CHD6: variants seen among roughly 807,000 people sequenced by gnomAD.
CHD6 encodes the protein ATP-dependent chromatin remodeler CHD6.
Under a neutral mutation model 276.9 loss-of-function variants are expected in CHD6, and 50 were observed. The ratio of observed to expected loss-of-function variants is 0.18; its 90% CI spans 0.14 to 0.23. The LOEUF is 0.23. Ranked by LOEUF, CHD6 falls within the 10% of genes least tolerant of loss-of-function variation. The pLI is 1.00. For missense variants in CHD6, 2,564 were observed against 3,365.8 expected, an observed-to-expected ratio of 0.76 and a Z score of 5.89; for synonymous variants, 1,173 against 1,229.3, an observed-to-expected ratio of 0.95 and a Z score of 0.96.
chr20:41,583,148 G>A (rs368569860), intron 1 of CHD6, among the ~76,000 whole-genome samples: 7 of 152,210 alleles, frequency 4.6e-5, no homozygotes, highest in African/African-American at 1.7e-4. Flanking sequence ...AAGAAGCCCA[G>A]AGAACCCTAC....
intron 16 of CHD6, among the ~76,000 whole-genome samples, chr20:41,474,292 A>T (rs1407996206): frequency 1.3e-5 from 2 of 152,178 alleles, no homozygotes; most frequent in African/African-American, 4.8e-5. Flanking sequence ...GGTAAGGGTA[A>T]AAGGAAAAAG....
intron 1 of CHD6, among the ~76,000 whole-genome samples, chr20:41,584,658 A>C (rs2045574541): frequency 6.6e-6 from 1 of 152,210 alleles, no homozygotes; most frequent in African/African-American, 2.4e-5. Flanking sequence ...AATTAACAGA[A>C]AGATATCAGG....
intron 16 of CHD6, among the ~76,000 whole-genome samples, chr20:41,480,711 T>C (rs2043275222): frequency 6.6e-6 from 1 of 152,112 alleles, no homozygotes; most frequent in South Asian, 2.1e-4. Flanking sequence ...CAGCTATAAA[T>C]ACCAAAAGAA....
intron 2 of CHD6, chr20:41,547,821 G>A: frequency 2.1e-6 from 1 of 481,714 alleles, no homozygotes; most frequent in East Asian, 5.3e-5. Flanking sequence ...AGAGCTCCTG[G>A]GGACTGACTA....
intron 27 of CHD6, among the ~76,000 whole-genome samples, chr20:41,437,050 T>C (rs923270080): frequency 6.6e-6 from 1 of 152,236 alleles, no homozygotes; most frequent in Non-Finnish European, 1.5e-5. Flanking sequence ...TATTATATTT[T>C]GTGACTGCTT....
intron 2 of CHD6, among the ~76,000 whole-genome samples, chr20:41,548,742 T>C (rs1484507650): frequency 6.6e-6 from 1 of 151,760 alleles, no homozygotes. Flanking sequence ...CGCAACCTAC[T>C]CATCTGACAA....
chr20:41,555,658 G>A (rs1335042452), intron 1 of CHD6, among the ~76,000 whole-genome samples: 31 of 151,586 alleles, frequency 2.0e-4, no homozygotes, highest in Admixed American at 7.2e-4. Context: ...CAGACGGGGC[G>A]GCGGGGCAGA....
chr20:41,608,919 G>A (rs1208624883), intron 1 of CHD6, among the ~76,000 whole-genome samples: 1 of 152,202 alleles, frequency 6.6e-6, no homozygotes, highest in African/African-American at 2.4e-5. Context: ...AAATGCTGCA[G>A]ACACAAAGTG....
chr20:41,427,467 GATGCAGAAAACAAGCCCTAGAA>G (rs1275869433), intron 27 of CHD6, among the ~76,000 whole-genome samples: 1 of 152,156 alleles, frequency 6.6e-6, no homozygotes, highest in Non-Finnish European at 1.5e-5. Context: ...TCATTTTACA[GATGCAGAAAACAAGCCCTAGAA>G]ATGTTCAGTA....
At position 41,618,361 on chromosome 20, in the gene CHD6, C is replaced by G. The variant is rs1368468583; in HGVS notation, c.-45G>C. 1 of 152,102 alleles carries G rather than the reference C, an allele frequency of 6.6e-6. No individual in the cohort carries two copies. The highest frequency in any genetic ancestry group is 1.5e-5 in the Non-Finnish European group (1 of 68,056). 9.4% of individuals were successfully genotyped at this position (152,102 alleles called of 1,614,324 possible). On this transcript the variant is annotated 5_prime_UTR_variant, in exon 1 of 37. Coordinates refer to ENST00000373233, the MANE Select transcript of CHD6 (RefSeq NM_032221.5). ...TTACCTAAAATGGCTCCTGCAGCAG[C>G]CAAAATACAAACAGCTATTATTTGG...
At chr20:41,539,856 A>C (rs1168856312) in intron 2 of CHD6, among the ~76,000 whole-genome samples, 10 of 152,240 alleles carry the variant, frequency 6.6e-5, no homozygotes, top group Non-Finnish European at 1.5e-4. Flanking sequence ...ATCTGGAATA[A>C]TACTACGCAA....
chr20:41,509,954 AATCCTGAGGTTGTG>A (rs2044075697), intron 5 of CHD6, among the ~76,000 whole-genome samples: 1 of 152,168 alleles, frequency 6.6e-6, no homozygotes, highest in African/African-American at 2.4e-5. Flanking sequence ...CTTGGTAACC[AATCCTGAGGTTGTG>A]ATCTGGGGCT....
At chr20:41,541,170 T>C (rs573531159) in intron 2 of CHD6, among the ~76,000 whole-genome samples, 3 of 152,192 alleles carry the variant, frequency 2.0e-5, no homozygotes, top group Non-Finnish European at 4.4e-5. Flanking sequence ...TGTCCGATTG[T>C]GCATTTGTAT....
chr20:41,487,889 C>T, intron 13 of CHD6, 81 bp from the exon 14 acceptor site: 1 of 1,445,972 alleles, frequency 6.9e-7, no homozygotes. Flanking sequence ...TAAGCCAGGG[C>T]ATTGAGTGCT....
At chr20:41,556,007 C>T (rs1340624930) in intron 1 of CHD6, among the ~76,000 whole-genome samples, 5 of 152,314 alleles carry the variant, frequency 3.3e-5, no homozygotes, top group East Asian at 3.9e-4. Context: ...CCCGGCACCT[C>T]GGGAGGCCGA....
chr20:41,516,862 AG>A (rs2044264817), intron 3 of CHD6, among the ~76,000 whole-genome samples: 1 of 152,198 alleles, frequency 6.6e-6, no homozygotes, highest in Non-Finnish European at 1.5e-5. Flanking sequence ...GAGTAGAACC[AG>A]GAAGTCTCGG....
At chr20:41,549,681 T>TA (rs534125238) in intron 2 of CHD6, among the ~76,000 whole-genome samples, 218 of 144,258 alleles carry the variant, frequency 1.5e-3, no homozygotes, top group African/African-American at 3.1e-3. Flanking sequence ...TTTGGGTCCA[T>TA]AAAAAAAAAA....
intron 1 of CHD6, among the ~76,000 whole-genome samples, chr20:41,587,707 G>C (rs1487068478): frequency 4.6e-5 from 7 of 152,134 alleles, no homozygotes; most frequent in Non-Finnish European, 1.0e-4. Context: ...GTGTACAAAG[G>C]ATAGCCTCCT....
At chr20:41,414,554 CAT>C (rs2046936638) in intron 34 of CHD6, 2 of 178,992 alleles carry the variant, frequency 1.1e-5, no homozygotes, top group Non-Finnish European at 2.4e-5. Flanking sequence ...CAACATGAAA[CAT>C]TAAACAAAGC....
Sources: allele counts gnomAD v4.1 joint callset (sites outside exome capture counted in the v4.1 genomes callset), GRCh38; gene constraint gnomAD v4.1.1; transcripts MANE v1.5; gene names NCBI Gene and HGNC (gene_info 2026-07-23, HGNC 2026-07-21).